Variants in NMD3 observed in about 807,000 individuals in gnomAD.
The protein encoded by NMD3 is NMD3 ribosome export adaptor.
NMD3 carries 47 observed loss-of-function variants against 73.1 expected under a neutral mutation model. The observed-to-expected ratio is 0.64, with a 90% CI of 0.51 to 0.82. NMD3 has a LOEUF of 0.82. Ranked by LOEUF, NMD3 falls within the 40% of genes least tolerant of loss-of-function variation. The probability of loss-of-function intolerance (pLI) is 0.00; values close to 1 mark genes in which losing one functional copy is unlikely to be tolerated. For missense variants in NMD3, 554 were observed against 612.5 expected, an observed-to-expected ratio of 0.90 and a Z score of 1.01; for synonymous variants, 210 against 194.5, an observed-to-expected ratio of 1.08 and a Z score of -0.66.
In NMD3 at chr3:161,221,986, TTTA is replaced by T. The variant is rs1263145242; in HGVS notation, c.-20-7_-20-5del. The T allele has an allele frequency of 8.8e-5, 116 of 1,322,302 alleles. No individual in the cohort carries two copies. Among genetic ancestry groups the T allele is most frequent in the African/African-American group, 1.3e-4 (7 of 54,182 alleles). 81.9% of individuals were successfully genotyped at this position (1,322,302 alleles called of 1,614,324 possible). The stretch of plus-strand genomic sequence containing the variant: ...TTTTTTTTTTTTTTTTTTTTTTTTT[TTTA>T]AAAGAACTTAAGGCATACAGAACGA... On this transcript the variant is annotated splice_region_variant and splice_polypyrimidine_tract_variant and intron_variant, in intron 1 of 15. Coordinates refer to ENST00000351193, the MANE Select transcript of NMD3 (RefSeq NM_015938.5).
In NMD3 at chr3:161,239,848, A is replaced by G. The variant is rs375353575; in HGVS notation, c.753+1022A>G. Among the ~76,000 whole-genome samples the G allele has an allele frequency of 7.2e-5, 11 of 152,334 alleles. No homozygotes were observed. In the East Asian group the frequency reaches 2.1e-3, roughly 29 times the overall value. The stretch of plus-strand genomic sequence containing the variant: ...CAGCTACTCAGCTTTGCTGTTGTAC[A>G]AAAGTAGCATGGGTAATATGTAAAG... On this transcript the variant is annotated intron_variant, in intron 9 of 15. Transcript: ENST00000351193.
At chr3:161,224,263 A>G (rs1341965477) in intron 2 of NMD3, among the ~76,000 whole-genome samples, 1 of 152,156 alleles carries the variant, frequency 6.6e-6, no homozygotes, top group Non-Finnish European at 1.5e-5. Context: ...GTCACTTTTC[A>G]TGTCCCAGTT....
At chr3:161,240,995 G>T in intron 9 of NMD3, 51 bp from the exon 10 acceptor site, 2 of 1,128,722 alleles carry the variant, frequency 1.8e-6, no homozygotes, top group Non-Finnish European at 2.7e-6. Context: ...AGTGTTTATT[G>T]GACTGTTATT....
chr3:161,248,627 G>C (rs1737350007), intron 13 of NMD3, among the ~76,000 whole-genome samples: 1 of 152,130 alleles, frequency 6.6e-6, no homozygotes, highest in African/African-American at 2.4e-5. Context: ...GTTATTCAAA[G>C]CTGAATAAAA....
chr3:161,236,202 T>C (rs1736751638), intron 7 of NMD3, among the ~76,000 whole-genome samples: 1 of 152,144 alleles, frequency 6.6e-6, no homozygotes, highest in Non-Finnish European at 1.5e-5. Flanking sequence ...GCTGTTTCAT[T>C]CTTTTGGGTA....
chr3:161,228,393 C>T (rs965440655), intron 4 of NMD3, among the ~76,000 whole-genome samples: 1 of 151,880 alleles, frequency 6.6e-6, no homozygotes, highest in Non-Finnish European at 1.5e-5. Flanking sequence ...TTTTTTCGCT[C>T]CCCTCTGTTC....
Position 161,227,235 on chromosome 3 carries a change from C to T in NMD3, c.180-12C>T. On this transcript the variant is annotated splice_polypyrimidine_tract_variant and intron_variant, in intron 3 of 15. Coordinates refer to ENST00000351193, the MANE Select transcript of NMD3 (RefSeq NM_015938.5). ...CAGATGTTGGATTTCAGTATGTTAT[C>T]TTCTCTTTTAGGTATTTTCAACCAC... 6.5e-7 allele frequency: 1 copy of T among 1,526,930 alleles called. No homozygotes were observed. Among genetic ancestry groups the T allele is most frequent in the South Asian group, 1.1e-5 (1 of 87,334 alleles). 94.6% of individuals were successfully genotyped at this position (1,526,930 alleles called of 1,614,324 possible).
At position 161,237,982 on chromosome 3, in the gene NMD3, G is replaced by A. The variant is rs139284508; in HGVS notation, c.578-131G>A. On this transcript the variant is annotated intron_variant, in intron 7 of 15. Transcript: ENST00000351193. ...TCTTAAGTGATATCTCTAATCTGTT[G>A]TGACTACAATAGAGTTTTCTAATAA... is the stretch of plus-strand genomic sequence containing the variant. 596 of 600,302 alleles carry A rather than the reference G, an allele frequency of 9.9e-4. 10 individuals carry two copies. The East Asian group carries it at 0.017, about 17-fold the overall frequency. The allele number at this position is 600,302 out of a possible 1,614,324, so 37.2% of individuals were successfully genotyped here. A position where few individuals can be genotyped will look rare whatever the true frequency, so the allele number is the denominator to read the frequency against.
Position 161,228,281 on chromosome 3 carries a change from C to G in NMD3, c.276+938C>G, listed in dbSNP as rs151223909. On this transcript the variant is annotated intron_variant, in intron 4 of 15. Transcript: ENST00000351193. ...TGAAATTTCTGCCTTTATTTTCCTA[C>G]TAGGTCCCAGCCAACCCCACAAATT... 4.3e-3 allele frequency among the ~76,000 whole-genome samples: 659 copies of G among 152,242 alleles called. 6 individuals carry two copies. The highest frequency in any genetic ancestry group is 0.015 in the African/African-American group (623 of 41,532).
At chr3:161,247,398 G>A in intron 13 of NMD3, 68 bp downstream of exon 13, 1 of 885,768 alleles carries the variant, frequency 1.1e-6, no homozygotes, top group Non-Finnish European at 1.8e-6. Context: ...AGGGGTAAGA[G>A]GTAGGAGTTC....
intron 13 of NMD3, 118 bp from the exon 14 acceptor site, chr3:161,249,336 C>A (rs1737381568): frequency 1.7e-6 from 1 of 605,344 alleles, no homozygotes; most frequent in East Asian, 2.9e-5. Context: ...CATCCCTTCT[C>A]CTTTCTCCTG....
chr3:161,252,767 A>G, downstream of NMD3: 2 of 676,086 alleles, frequency 3.0e-6, no homozygotes, highest in East Asian at 2.8e-5. Context: ...TTTTTTTTGT[A>G]GCCAAATCTG....
At chr3:161,245,970 T>C (rs1308877329) in intron 11 of NMD3, among the ~76,000 whole-genome samples, 1 of 152,160 alleles carries the variant, frequency 6.6e-6, no homozygotes, top group East Asian at 1.9e-4. Flanking sequence ...TGCTTTAAGA[T>C]TCCCCTACCT....
At chr3:161,225,883 T>C (rs1736294885) in intron 3 of NMD3, among the ~76,000 whole-genome samples, 1 of 152,050 alleles carries the variant, frequency 6.6e-6, no homozygotes, top group African/African-American at 2.4e-5. Context: ...TATATACATA[T>C]ATATACACAA....
At chr3:161,252,759 T>G, downstream of NMD3, 1 of 676,064 alleles carries the variant, frequency 1.5e-6, no homozygotes, top group Non-Finnish European at 2.7e-6. Flanking sequence ...ATGACCATTT[T>G]TTTTTGTAGC....
At chr3:161,242,369 C>T (rs957263705) in intron 10 of NMD3, 139 bp from the exon 11 acceptor site, 1 of 676,206 alleles carries the variant, frequency 1.5e-6, no homozygotes, top group Non-Finnish European at 2.5e-6. Flanking sequence ...TAATTGATGA[C>T]CCTAAGGAGT....
At chr3:161,252,777 G>A, downstream of NMD3, 1 of 686,708 alleles carries the variant, frequency 1.5e-6, no homozygotes, top group Non-Finnish European at 2.6e-6. Context: ...AGCCAAATCT[G>A]CACCTGAAGC....
chr3:161,231,756 A>T (rs986646417), intron 4 of NMD3, among the ~76,000 whole-genome samples: 37 of 152,006 alleles, frequency 2.4e-4, no homozygotes, highest in African/African-American at 8.5e-4. Context: ...GGGAGAGAGA[A>T]ATCAGGAGAT....
At position 161,234,904 on chromosome 3, in the gene NMD3, T is replaced by C. The variant is rs773279662; in HGVS notation, c.486+49T>C. 1.3e-5 allele frequency: 20 copies of C among 1,592,852 alleles called. No homozygotes were observed. The African/African-American group carries it at 2.3e-4, about 18-fold the overall frequency. ...AGTCCTACATCTTATATTTCGTCTT[T>C]GTTAATTATAACTTTTCCTTCTTTC... On this transcript the variant is annotated intron_variant, in intron 6 of 15. Transcript: ENST00000351193.
Sources: gnomAD v4.1 joint callset for allele counts (sites outside exome capture counted in the v4.1 genomes callset) on GRCh38, gnomAD v4.1.1 for gene constraint, MANE v1.5 for transcripts, NCBI Gene and HGNC (gene_info 2026-07-23, HGNC 2026-07-21) for gene names.